Variants in ULK4 observed in about 807,000 individuals in gnomAD.
ULK4 encodes the protein inactive serine/threonine-protein kinase ULK4.
A neutral mutation model predicts 160.6 loss-of-function variants in ULK4; 133 were observed. That is an observed-to-expected ratio of 0.83 (90% CI 0.72 to 0.96). ULK4 has a LOEUF of 0.96. Among genes scored for constraint, ULK4 ranks in the 40% least tolerant of loss-of-function variants. The pLI, the probability that ULK4 is intolerant of heterozygous loss-of-function variation, is 0.00. For missense variants in ULK4, 1,580 were observed against 1,499.5 expected (o/e 1.05, Z -0.89); for synonymous variants, 534 against 539.8 (o/e 0.99, Z 0.15).
intron 18 of ULK4, among the ~76,000 whole-genome samples, chr3:41,822,405 G>A (rs1217478104): frequency 1.3e-5 from 2 of 152,036 alleles, no homozygotes; most frequent in Non-Finnish European, 2.9e-5. Flanking sequence ...TGTTTTTCTT[G>A]TTTTTTGTCG....
At chr3:41,516,339 T>C (rs1455824137) in intron 32 of ULK4, among the ~76,000 whole-genome samples, 2 of 151,986 alleles carry the variant, frequency 1.3e-5, no homozygotes, top group Non-Finnish European at 2.9e-5. Context: ...TATATATGTT[T>C]ATGAAATTTA....
intron 32 of ULK4, among the ~76,000 whole-genome samples, chr3:41,522,463 T>TA (rs938659363): frequency 2.1e-4 from 32 of 152,110 alleles, no homozygotes; most frequent in African/African-American, 5.3e-4. Context: ...TCTTTTACAT[T>TA]AAAAAAACAC....
chr3:41,694,947 T>C (rs2125812716), intron 27 of ULK4, among the ~76,000 whole-genome samples: 1 of 152,344 alleles, frequency 6.6e-6, no homozygotes, highest in South Asian at 2.1e-4. Context: ...CAGGCTGCTA[T>C]AACAAATGCC....
intron 32 of ULK4, among the ~76,000 whole-genome samples, chr3:41,529,266 C>T (rs1326111265): frequency 6.6e-6 from 1 of 152,102 alleles, no homozygotes; most frequent in African/African-American, 2.4e-5. Flanking sequence ...AGAAAAATTT[C>T]TAAAAGTTGG....
chr3:41,760,961 C>G (rs1471117163), intron 21 of ULK4, among the ~76,000 whole-genome samples: 3 of 152,184 alleles, frequency 2.0e-5, no homozygotes, highest in Non-Finnish European at 4.4e-5. Flanking sequence ...ATGAATCTCA[C>G]CTGCACTGTA....
intron 32 of ULK4, among the ~76,000 whole-genome samples, chr3:41,469,254 A>C (rs1325711199): frequency 6.6e-6 from 1 of 152,200 alleles, no homozygotes; most frequent in Non-Finnish European, 1.5e-5. Context: ...ACAAATCTCA[A>C]CTGTGAATTT....
At chr3:41,492,350 A>C (rs1163225992) in intron 32 of ULK4, among the ~76,000 whole-genome samples, 1 of 152,164 alleles carries the variant, frequency 6.6e-6, no homozygotes, top group Non-Finnish European at 1.5e-5. Context: ...TCCCGCCAAC[A>C]GTGTAAAAGT....
At chr3:41,683,028 G>C (rs2035972355) in intron 27 of ULK4, among the ~76,000 whole-genome samples, 1 of 152,096 alleles carries the variant, frequency 6.6e-6, no homozygotes, top group South Asian at 2.1e-4. Flanking sequence ...GTATTTATGA[G>C]ACAGAGTAGG....
intron 35 of ULK4, among the ~76,000 whole-genome samples, chr3:41,347,366 G>A (rs922722934): frequency 2.0e-5 from 3 of 152,114 alleles, no homozygotes; most frequent in African/African-American, 7.2e-5. Context: ...AGTCTAAAAA[G>A]CAAAACCAGA....
chr3:41,288,132 T>G (rs1262278302), intron 35 of ULK4, among the ~76,000 whole-genome samples: 1 of 152,242 alleles, frequency 6.6e-6, no homozygotes. Context: ...ATTCTCTGTA[T>G]ATAGTTTTGT....
intron 18 of ULK4, among the ~76,000 whole-genome samples, chr3:41,828,623 C>CCAAT (rs1372044694): frequency 6.8e-6 from 1 of 146,740 alleles, no homozygotes; most frequent in Non-Finnish European, 1.5e-5. Context: ...GAACTAGAAA[C>CCAAT]CAATGCTCAA....
chr3:41,319,449 C>A (rs2080208659), intron 35 of ULK4, among the ~76,000 whole-genome samples: 1 of 152,172 alleles, frequency 6.6e-6, no homozygotes, highest in South Asian at 2.1e-4. Context: ...TAAGTACTGT[C>A]AATTTCAAGA....
intron 30 of ULK4, among the ~76,000 whole-genome samples, chr3:41,658,733 A>ACACACACACACACACACACAGT (rs1553628716): frequency 7.6e-6 from 1 of 131,584 alleles, no homozygotes; most frequent in Non-Finnish European, 1.7e-5. Context: ...AACAGTACAC[A>ACACACACACACACACACACAGT]CACACACACA....
chr3:41,537,696 T>C (rs2086555442), intron 32 of ULK4, among the ~76,000 whole-genome samples: 1 of 152,182 alleles, frequency 6.6e-6, no homozygotes, highest in South Asian at 2.1e-4. Context: ...TTGGGATCAA[T>C]CCAGAAAAAG....
At chr3:41,292,921 G>A (rs2079599345) in intron 35 of ULK4, among the ~76,000 whole-genome samples, 1 of 151,728 alleles carries the variant, frequency 6.6e-6, no homozygotes, top group South Asian at 2.1e-4. Flanking sequence ...TCCAGCCTGG[G>A]CGACAGAGCA....
rs1259082567 is a variant in ULK4, at chr3:41,777,270, C to G, written c.2193+12391G>C. On this transcript the variant is annotated intron_variant, in intron 21 of 36. Transcript: ENST00000301831. ...ATTTCTGTGGGATTGGTGGTGATAT[C>G]CCCTTTATCATTTTTTATTGTGTCT... Among the ~76,000 whole-genome samples the G allele has an allele frequency of 2.2e-3, 199 of 92,016 alleles. 35 individuals are homozygous for G. The highest frequency in any genetic ancestry group is 0.013 in the African/African-American group (174 of 13,022). 60.4% of individuals were successfully genotyped at this position (92,016 alleles called of 152,430 possible).
rs578095497 is a variant in ULK4 at position 41,373,230 on chromosome 3, A to T, written c.3678+24849T>A. The stretch of plus-strand genomic sequence containing the variant: ...ACTGTCAATATTAGGCAGATCAACG[A>T]AACAGAAAATTAATAAGAATATTCA... On this transcript the variant is annotated intron_variant, in intron 35 of 36. Coordinates refer to ENST00000301831, the MANE Select transcript of ULK4 (RefSeq NM_017886.4). 3.3e-5 allele frequency among the ~76,000 whole-genome samples: 5 copies of T among 152,320 alleles called. No individual in the cohort carries two copies. The East Asian group carries it at 9.7e-4, about 29-fold the overall frequency.
chr3:41,583,519 G>A (rs2030544681), intron 31 of ULK4, among the ~76,000 whole-genome samples: 2 of 152,250 alleles, frequency 1.3e-5, no homozygotes, highest in South Asian at 4.1e-4. Flanking sequence ...TATAATTATA[G>A]TCTCACTCAA....
intron 34 of ULK4, among the ~76,000 whole-genome samples, chr3:41,424,149 G>C (rs1268091720): frequency 1.3e-5 from 2 of 152,040 alleles, no homozygotes; most frequent in Non-Finnish European, 2.9e-5. Flanking sequence ...ATTCTTCACA[G>C]GGCAGCACAG....
Sources: gnomAD v4.1 joint callset for allele counts (sites outside exome capture counted in the v4.1 genomes callset) on GRCh38, gnomAD v4.1.1 for gene constraint, MANE v1.5 for transcripts, NCBI Gene and HGNC (gene_info 2026-07-23, HGNC 2026-07-21) for gene names.